EPHA6: variants seen among roughly 807,000 people sequenced by gnomAD.
EPHA6 encodes ephrin type-A receptor 6.
In EPHA6, 50 loss-of-function variants were observed where a neutral mutation model predicts 112.0. That is an observed-to-expected ratio of 0.45 (90% CI 0.36 to 0.56). EPHA6 has a LOEUF of 0.56. Ranked by LOEUF, EPHA6 falls within the 20% of genes least tolerant of loss-of-function variation. EPHA6 has a pLI of 0.00. For missense variants in EPHA6, 1,280 were observed against 1,417.4 expected (o/e 0.90, Z 1.56); for synonymous variants, 529 against 490.7 (o/e 1.08, Z -1.03).
intron 6 of EPHA6, among the ~76,000 whole-genome samples, chr3:97,412,979 GATT>G (rs1278403316): frequency 6.6e-6 from 1 of 151,604 alleles, no homozygotes; most frequent in Non-Finnish European, 1.5e-5. Flanking sequence ...TGTAGCTTGG[GATT>G]ATTAGTATTT....
intron 10 of EPHA6, among the ~76,000 whole-genome samples, chr3:97,524,902 TG>T (rs2092596889): frequency 6.6e-6 from 1 of 152,170 alleles, no homozygotes; most frequent in South Asian, 2.1e-4. Flanking sequence ...AAAGCTTCTT[TG>T]TTTTTGGCTT....
intron 3 of EPHA6, among the ~76,000 whole-genome samples, chr3:97,129,559 G>T (rs976375231): frequency 6.6e-6 from 1 of 151,464 alleles, no homozygotes; most frequent in Admixed American, 6.6e-5. Flanking sequence ...GGTAAATTCG[G>T]TGTTAATTAT....
chr3:97,507,103 A>T (rs955073969), intron 10 of EPHA6, among the ~76,000 whole-genome samples: 24 of 152,316 alleles, frequency 1.6e-4, no homozygotes, highest in Admixed American at 5.9e-4. Flanking sequence ...CAATCATGTC[A>T]TCTGCAAACA....
intron 5 of EPHA6, among the ~76,000 whole-genome samples, chr3:97,328,021 ATGT>A (rs2082553246): frequency 1.5e-5 from 2 of 132,216 alleles, no homozygotes; most frequent in African/African-American, 6.5e-5. Flanking sequence ...ATGTGTATAT[ATGT>A]ATATGTGTAT....
chr3:97,310,242 G>T (rs1432023740), intron 5 of EPHA6, among the ~76,000 whole-genome samples: 1 of 151,388 alleles, frequency 6.6e-6, no homozygotes, highest in African/African-American at 2.4e-5. Context: ...TTCAATAAAA[G>T]AAATACTTTC....
intron 11 of EPHA6, among the ~76,000 whole-genome samples, chr3:97,565,296 T>A (rs1422189610): frequency 1.3e-5 from 2 of 152,088 alleles, no homozygotes; most frequent in East Asian, 3.9e-4. Flanking sequence ...TTTGTAGTAA[T>A]AACAGCCCTA....
intron 2 of EPHA6, among the ~76,000 whole-genome samples, chr3:96,919,072 A>T (rs932402190): frequency 9.9e-5 from 15 of 151,996 alleles, no homozygotes; most frequent in African/African-American, 3.6e-4. Flanking sequence ...ATAAAATCAA[A>T]TGTTACTCCT....
At chr3:96,911,787 T>G (rs899517561) in intron 2 of EPHA6, among the ~76,000 whole-genome samples, 2 of 152,202 alleles carry the variant, frequency 1.3e-5, no homozygotes, top group East Asian at 3.9e-4. Context: ...TGAATAAGCT[T>G]TCCGTTAAAG....
At chr3:97,682,952 C>T (rs1423190510) in intron 14 of EPHA6, among the ~76,000 whole-genome samples, 1 of 152,078 alleles carries the variant, frequency 6.6e-6, no homozygotes, top group African/African-American at 2.4e-5. Flanking sequence ...TTTGCTGTAA[C>T]CTGACTACAG....
In EPHA6 at chr3:97,755,941, C is replaced by T. The variant is rs994894009; in HGVS notation, c.*7240C>T. 3.9e-5 allele frequency among the ~76,000 whole-genome samples: 6 copies of T among 152,036 alleles called. No homozygotes were observed. The highest frequency in any genetic ancestry group is 8.8e-5 in the Non-Finnish European group (6 of 67,884). ...ATTTTTACCGTAAGTAAAATGTCCT[C>T]TTCCACTGCTTTTATAATTAAAAAT... On this transcript the variant is annotated 3_prime_UTR_variant, in exon 18 of 18. Transcript: ENST00000389672.
At chr3:97,039,179 G>A (rs2045223410) in intron 3 of EPHA6, among the ~76,000 whole-genome samples, 1 of 151,956 alleles carries the variant, frequency 6.6e-6, no homozygotes, top group Admixed American at 6.6e-5. Context: ...AAAACAAGAA[G>A]GCCTAAGACT....
intron 3 of EPHA6, among the ~76,000 whole-genome samples, chr3:97,070,473 A>G (rs1464290233): frequency 6.6e-6 from 1 of 152,150 alleles, no homozygotes; most frequent in Non-Finnish European, 1.5e-5. Context: ...ACATTCTCTG[A>G]ACCAGAGTAA....
chr3:97,739,071 C>T (rs1431356523), intron 16 of EPHA6, among the ~76,000 whole-genome samples: 1 of 152,002 alleles, frequency 6.6e-6, no homozygotes, highest in East Asian at 1.9e-4. Context: ...CTAAAGAATG[C>T]CTGTTTTATG....
At chr3:96,874,424 T>G (rs2036826549) in intron 2 of EPHA6, among the ~76,000 whole-genome samples, 1 of 152,086 alleles carries the variant, frequency 6.6e-6, no homozygotes, top group Non-Finnish European at 1.5e-5. Context: ...TATTTGTGCC[T>G]CAATAATTGT....
At chr3:97,001,930 G>C (rs2043681168) in intron 3 of EPHA6, among the ~76,000 whole-genome samples, 2 of 151,990 alleles carry the variant, frequency 1.3e-5, no homozygotes, top group South Asian at 4.1e-4. Context: ...AAAACCTCTT[G>C]AAAGATGGAA....
chr3:97,400,608 T>A (rs561643587), intron 5 of EPHA6, among the ~76,000 whole-genome samples: 48 of 151,802 alleles, frequency 3.2e-4, no homozygotes, highest in African/African-American at 1.1e-3. Context: ...TTCATCACTG[T>A]TTTGTAGTTT....
At chr3:96,892,382 G>A (rs2038014916) in intron 2 of EPHA6, among the ~76,000 whole-genome samples, 1 of 151,848 alleles carries the variant, frequency 6.6e-6, no homozygotes, top group Non-Finnish European at 1.5e-5. Context: ...CACCACTCCT[G>A]GTTAATTTTT....
At chr3:97,557,246 G>C (rs902525996) in intron 11 of EPHA6, among the ~76,000 whole-genome samples, 1 of 151,938 alleles carries the variant, frequency 6.6e-6, no homozygotes, top group Non-Finnish European at 1.5e-5. Context: ...AGTGCCCATT[G>C]ATTTTACTTA....
At chr3:97,411,114 G>A (rs966328694) in intron 6 of EPHA6, among the ~76,000 whole-genome samples, 9 of 151,522 alleles carry the variant, frequency 5.9e-5, no homozygotes, top group Admixed American at 2.0e-4. Context: ...TGAGCATTTG[G>A]TACTAATTAA....
Sources: allele counts gnomAD v4.1 joint callset (sites outside exome capture counted in the v4.1 genomes callset), GRCh38; gene constraint gnomAD v4.1.1; transcripts MANE v1.5; gene names NCBI Gene and HGNC (gene_info 2026-07-23, HGNC 2026-07-21).